MAP3K20: variants seen among roughly 807,000 people sequenced by gnomAD.
The protein encoded by MAP3K20 is mitogen-activated protein kinase kinase kinase 20, also known as HCCS-4.
In MAP3K20, 40 loss-of-function variants were observed where a neutral mutation model predicts 85.7. The ratio of observed to expected loss-of-function variants is 0.47; its 90% CI spans 0.36 to 0.61. MAP3K20 has a LOEUF of 0.61. Among genes scored for constraint, MAP3K20 ranks in the 20% least tolerant of loss-of-function variants. The pLI is 0.00. For synonymous variants in MAP3K20, 325 were observed against 327.7 expected (o/e 0.99, Z 0.09); for missense variants, 817 against 961.7 (o/e 0.85, Z 1.99).
rs1684831393 is a variant in MAP3K20 at position 173,243,152 on chromosome 2, G to A, written c.1359+3656G>A. On this transcript the variant is annotated intron_variant, in intron 16 of 19. Coordinates refer to ENST00000375213, the MANE Select transcript of MAP3K20 (RefSeq NM_016653.3). Reference sequence around the variant, plus strand: ...AACCTACAGCTTATCATAAGCAATAGACAAAATCCACAAAACGCTATGGTA... The same window carrying A: ...AACCTACAGCTTATCATAAGCAATAAACAAAATCCACAAAACGCTATGGTA... 2.0e-5 allele frequency among the ~76,000 whole-genome samples: 3 copies of A among 152,236 alleles called. No individual in the cohort carries two copies. The South Asian group carries it at 6.2e-4, about 32-fold the overall frequency.
At chr2:173,222,038 A>T in intron 11 of MAP3K20, 1 of 970,222 alleles carries the variant, frequency 1.0e-6, no homozygotes, top group Non-Finnish European at 1.2e-6. Flanking sequence ...CCTCGTCTCT[A>T]CTAATAATTA....
At chr2:173,082,838 G>T (rs534784903) in intron 1 of MAP3K20, among the ~76,000 whole-genome samples, 2 of 152,356 alleles carry the variant, frequency 1.3e-5, no homozygotes, top group Non-Finnish European at 2.9e-5. Flanking sequence ...ATGTTTCCTT[G>T]TTGGGCTTCT....
rs113155076 is a variant in MAP3K20, at chr2:173,223,343, T to G, written c.987+6093T>G. ...TTGCTGATCTTCAGCGTGGGAATAA[T>G]AACAGTACCTACTTGAAAGGATCAT... is the stretch of plus-strand genomic sequence containing the variant. On this transcript the variant is annotated intron_variant, in intron 11 of 19. Transcript: ENST00000375213. The G allele has an allele frequency of 4.8e-4, 423 of 873,878 alleles. 5 individuals carry two copies. In the African/African-American group the frequency reaches 7.0e-3, roughly 14 times the overall value. 54.1% of individuals were successfully genotyped at this position (873,878 alleles called of 1,614,324 possible). A position where few individuals can be genotyped will look rare whatever the true frequency, so the allele number is the denominator to read the frequency against.
chr2:173,208,368 A>C (rs1683760961), intron 9 of MAP3K20, among the ~76,000 whole-genome samples: 1 of 151,356 alleles, frequency 6.6e-6, no homozygotes, highest in African/African-American at 2.4e-5. Flanking sequence ...ACTGCATTCC[A>C]GCCTGGGCAA....
chr2:173,266,784 A>AG lies in MAP3K20; in HGVS notation c.*34_*35insG. 4.8e-6 allele frequency: 2 copies of AG among 419,918 alleles called. No homozygotes were observed. Among genetic ancestry groups the AG allele is most frequent in the African/African-American group, 1.7e-4 (2 of 11,722 alleles). 26.0% of individuals were successfully genotyped at this position (419,918 alleles called of 1,614,324 possible). ...ACTACATAGCTTTTCTAAGCAGGTT[A>AG]AAAAAAAAAAAAAAAAGAAATGTAA... On this transcript the variant is annotated 3_prime_UTR_variant, in exon 20 of 20. Coordinates refer to ENST00000375213, the MANE Select transcript of MAP3K20 (RefSeq NM_016653.3).
chr2:173,237,019 C>CTTTTTTT (rs368196400), intron 14 of MAP3K20, among the ~76,000 whole-genome samples: 67 of 75,568 alleles, frequency 8.9e-4, no homozygotes, highest in African/African-American at 1.1e-3. Context: ...GTATATCCAC[C>CTTTTTTT]TTTTTTTTTT....
intron 2 of MAP3K20, among the ~76,000 whole-genome samples, chr2:173,098,497 C>T (rs7585396): frequency 0.036 from 5,430 of 152,248 alleles, 134 homozygotes; most frequent in African/African-American, 0.059. Flanking sequence ...GTATAAGATA[C>T]AGATGAAACA....
chr2:173,208,212 C>A (rs1017054041), intron 9 of MAP3K20, among the ~76,000 whole-genome samples: 3 of 151,872 alleles, frequency 2.0e-5, no homozygotes, highest in African/African-American at 7.3e-5. Flanking sequence ...CCAGCTTGGG[C>A]AAGATGGCGA....
intron 11 of MAP3K20, chr2:173,223,643 C>T (rs1008171617): frequency 4.9e-5 from 48 of 985,208 alleles, no homozygotes; most frequent in Non-Finnish European, 5.5e-5. Context: ...AAACTATGAG[C>T]CCTGGCCAGC....
At position 173,240,720 on chromosome 2, in the gene MAP3K20, T is replaced by C. The variant is rs1022643561; in HGVS notation, c.1359+1224T>C. Among the ~76,000 whole-genome samples the C allele has an allele frequency of 3.9e-5, 6 of 152,304 alleles. No individual in the cohort carries two copies. The South Asian group carries it at 1.0e-3, about 26-fold the overall frequency. On this transcript the variant is annotated intron_variant, in intron 16 of 19. Coordinates refer to ENST00000375213, the MANE Select transcript of MAP3K20 (RefSeq NM_016653.3). Reference sequence around the variant, plus strand: ...GGATGTGGAGAAAGGAGAACCTTCGTACACTGTTGGTGGGAATGTAAATGA... The same window carrying C: ...GGATGTGGAGAAAGGAGAACCTTCGCACACTGTTGGTGGGAATGTAAATGA...
chr2:173,075,697 C>A, upstream of MAP3K20: 1 of 938,048 alleles, frequency 1.1e-6, no homozygotes, highest in Non-Finnish European at 1.2e-6. Context: ...CGGCGGGTGC[C>A]GGGGCGCGGG....
At chr2:173,131,102 GA>G (rs1374271089) in intron 2 of MAP3K20, among the ~76,000 whole-genome samples, 5 of 152,166 alleles carry the variant, frequency 3.3e-5, no homozygotes, top group Non-Finnish European at 7.3e-5. Context: ...CTAACTTGGT[GA>G]AAAATCGCAG....
At chr2:173,119,259 T>C (rs927522494) in intron 2 of MAP3K20, among the ~76,000 whole-genome samples, 8 of 152,158 alleles carry the variant, frequency 5.3e-5, no homozygotes, top group African/African-American at 1.9e-4. Context: ...CAAGAAGCCA[T>C]CTGCTGGGGG....
intron 2 of MAP3K20, among the ~76,000 whole-genome samples, chr2:173,113,502 C>T (rs1210960345): frequency 6.6e-6 from 1 of 151,982 alleles, no homozygotes; most frequent in Non-Finnish European, 1.5e-5. Flanking sequence ...AGTTTGTGCT[C>T]GTTCAGTCTT....
At chr2:173,138,990 T>C (rs1405750133) in intron 2 of MAP3K20, among the ~76,000 whole-genome samples, 4 of 151,910 alleles carry the variant, frequency 2.6e-5, no homozygotes, top group Non-Finnish European at 5.9e-5. Context: ...TCAATCATAC[T>C]CACCATTCAG....
At chr2:173,193,579 A>ATAAAC (rs1690729871) in intron 7 of MAP3K20, among the ~76,000 whole-genome samples, 1 of 152,214 alleles carries the variant, frequency 6.6e-6, no homozygotes, top group African/African-American at 2.4e-5. Flanking sequence ...CTTTTCACAC[A>ATAAAC]TAAACTATAA....
intron 16 of MAP3K20, among the ~76,000 whole-genome samples, chr2:173,249,992 T>C (rs926532146): frequency 6.6e-6 from 1 of 152,190 alleles, no homozygotes; most frequent in African/African-American, 2.4e-5. Flanking sequence ...TCTCCACCGG[T>C]GTCTACTTGG....
intron 11 of MAP3K20, among the ~76,000 whole-genome samples, chr2:173,218,158 G>A (rs7566222): frequency 0.069 from 10,548 of 152,106 alleles, 1,076 homozygotes; most frequent in East Asian, 0.57. Flanking sequence ...AATGCCGCTC[G>A]TTTTGTGATC....
At chr2:173,238,489 C>A in intron 15 of MAP3K20, 54 bp downstream of exon 15, 1 of 1,486,336 alleles carries the variant, frequency 6.7e-7, no homozygotes, top group Non-Finnish European at 9.3e-7. Flanking sequence ...ACACATGCAC[C>A]TGCTGCATCC....
Sources: gnomAD v4.1 joint callset for allele counts (sites outside exome capture counted in the v4.1 genomes callset) on GRCh38, gnomAD v4.1.1 for gene constraint, MANE v1.5 for transcripts, NCBI Gene and HGNC (gene_info 2026-07-23, HGNC 2026-07-21) for gene names.